Variants in PTPRT observed in about 807,000 individuals in gnomAD.
PTPRT encodes the protein protein tyrosine phosphatase receptor type T.
Under a neutral mutation model 176.8 loss-of-function variants are expected in PTPRT, and 56 were observed. The ratio of observed to expected loss-of-function variants is 0.32; its 90% confidence interval spans 0.26 to 0.40. PTPRT has a LOEUF of 0.40. Among genes scored for constraint, PTPRT ranks in the 10% least tolerant of loss-of-function variants. The probability of loss-of-function intolerance (pLI) is 1.00; values close to 1 mark genes in which losing one functional copy is unlikely to be tolerated. For missense variants in PTPRT, 1,540 were observed against 1,908.2 expected (o/e 0.81, Z 3.60); for synonymous variants, 783 against 739.0 (o/e 1.06, Z -0.96).
chr20:42,908,164 G>C (rs970345026), intron 1 of PTPRT, among the ~76,000 whole-genome samples: 1 of 151,996 alleles, frequency 6.6e-6, no homozygotes, highest in Non-Finnish European at 1.5e-5. Context: ...GAGAACGGGG[G>C]ATAAGCATCT....
intron 2 of PTPRT, among the ~76,000 whole-genome samples, chr20:42,873,451 T>A (rs1300197915): frequency 6.6e-6 from 1 of 152,136 alleles, no homozygotes; most frequent in Non-Finnish European, 1.5e-5. Context: ...TCCCTGTTGG[T>A]GGGAATACAA....
intron 16 of PTPRT, among the ~76,000 whole-genome samples, chr20:42,173,087 T>A (rs976232776): frequency 6.6e-6 from 1 of 152,196 alleles, no homozygotes; most frequent in Non-Finnish European, 1.5e-5. Flanking sequence ...GCTCTTGTGA[T>A]CTACAAGGGC....
intron 1 of PTPRT, among the ~76,000 whole-genome samples, chr20:42,958,598 C>T (rs1399109764): frequency 6.6e-6 from 1 of 152,052 alleles, no homozygotes; most frequent in Admixed American, 6.6e-5. Context: ...ACCAACCCTA[C>T]ACAACATTAG....
intron 13 of PTPRT, among the ~76,000 whole-genome samples, chr20:42,273,731 C>T (rs900095021): frequency 5.3e-5 from 8 of 152,268 alleles, no homozygotes; most frequent in Non-Finnish European, 1.2e-4. Context: ...GTATTTTTCA[C>T]TCACTAGCTG....
At chr20:42,339,634 C>T (rs183373448) in intron 11 of PTPRT, among the ~76,000 whole-genome samples, 4 of 152,306 alleles carry the variant, frequency 2.6e-5, no homozygotes, top group Non-Finnish European at 4.4e-5. Context: ...GGTCCAAGAC[C>T]AGTAGGTCAC....
At chr20:42,254,760 G>A (rs891868273) in intron 13 of PTPRT, among the ~76,000 whole-genome samples, 3 of 152,150 alleles carry the variant, frequency 2.0e-5, no homozygotes, top group African/African-American at 7.2e-5. Flanking sequence ...CCAAAGTCCT[G>A]CATCAGAGTC....
intron 12 of PTPRT, among the ~76,000 whole-genome samples, chr20:42,304,305 C>T (rs2057513486): frequency 6.6e-6 from 1 of 152,130 alleles, no homozygotes; most frequent in African/African-American, 2.4e-5. Flanking sequence ...GGTTTAAAAA[C>T]TCTGCCCCTG....
At chr20:42,114,481 T>A (rs1162118339) in intron 22 of PTPRT, among the ~76,000 whole-genome samples, 1 of 152,218 alleles carries the variant, frequency 6.6e-6, no homozygotes, top group Admixed American at 6.5e-5. Flanking sequence ...TGCAATCACA[T>A]CCTTGCTCAC....
intron 7 of PTPRT, among the ~76,000 whole-genome samples, chr20:42,665,432 G>C (rs1460966346): frequency 2.0e-5 from 3 of 151,330 alleles, no homozygotes; most frequent in Non-Finnish European, 3.0e-5. Context: ...TCATTAAAAA[G>C]TCAGGAAACA....
chr20:42,446,083 T>A (rs2070727258), intron 9 of PTPRT, among the ~76,000 whole-genome samples: 1 of 152,156 alleles, frequency 6.6e-6, no homozygotes, highest in South Asian at 2.1e-4. Flanking sequence ...ATCTAATGCA[T>A]CATCCTACTA....
intron 6 of PTPRT, among the ~76,000 whole-genome samples, chr20:42,707,893 G>T (rs896293718): frequency 6.6e-6 from 1 of 152,190 alleles, no homozygotes; most frequent in African/African-American, 2.4e-5. Flanking sequence ...ATATTGAAGA[G>T]ATTCCAACCA....
chr20:42,916,444 T>C (rs1978762138), intron 1 of PTPRT, among the ~76,000 whole-genome samples: 1 of 152,208 alleles, frequency 6.6e-6, no homozygotes, highest in East Asian at 1.9e-4. Flanking sequence ...TGTGTCTTTA[T>C]AGCAGCATGA....
At chr20:43,125,492 T>C (rs918467325) in intron 1 of PTPRT, among the ~76,000 whole-genome samples, 3 of 152,202 alleles carry the variant, frequency 2.0e-5, no homozygotes, top group African/African-American at 7.2e-5. Flanking sequence ...AAGCTAAGAC[T>C]AAAGAAATGC....
intron 15 of PTPRT, among the ~76,000 whole-genome samples, chr20:42,212,023 C>CCAAGTTCAAATTGGAA (rs1555802421): frequency 6.9e-6 from 1 of 144,412 alleles, no homozygotes; most frequent in Non-Finnish European, 1.5e-5. Flanking sequence ...TGGAAAACAT[C>CCAAGTTCAAATTGGAA]ATTCTCAGTA....
rs1424804664 is a variant in PTPRT at position 42,130,636 on chromosome 20, A to G, written c.2771-1806T>C. 2.0e-5 allele frequency among the ~76,000 whole-genome samples: 3 copies of G among 152,210 alleles called. No homozygotes were observed. In the East Asian group the frequency reaches 5.8e-4, roughly 29 times the overall value. The stretch of plus-strand genomic sequence containing the variant: ...CTAGGGCTGGTATAAGATACACCCC[A>G]TATCTATCCATTCATTTAAGAATCA... On this transcript the variant is annotated intron_variant, in intron 18 of 30. Transcript: ENST00000373187.
chr20:43,140,683 C>T (rs2013977398), intron 1 of PTPRT, among the ~76,000 whole-genome samples: 1 of 152,130 alleles, frequency 6.6e-6, no homozygotes, highest in South Asian at 2.1e-4. Flanking sequence ...TTCATCCACA[C>T]TTTTGGTTAT....
intron 1 of PTPRT, among the ~76,000 whole-genome samples, chr20:43,148,070 G>A (rs925123960): frequency 1.3e-4 from 19 of 150,674 alleles, no homozygotes; most frequent in African/African-American, 4.4e-4. Context: ...AAGTGTACAC[G>A]TGCAATCTAC....
intron 12 of PTPRT, among the ~76,000 whole-genome samples, chr20:42,303,101 AC>A (rs1179620941): frequency 6.6e-6 from 1 of 152,018 alleles, no homozygotes; most frequent in African/African-American, 2.4e-5. Flanking sequence ...GGAGCTGGCA[AC>A]CCCCTGGTTT....
intron 8 of PTPRT, among the ~76,000 whole-genome samples, chr20:42,455,336 T>C (rs2070902969): frequency 1.3e-5 from 2 of 152,212 alleles, no homozygotes; most frequent in Admixed American, 6.5e-5. Context: ...GTTATTCACA[T>C]GGTAATTTTT....
Sources: gnomAD v4.1 joint callset for allele counts (sites outside exome capture counted in the v4.1 genomes callset) on GRCh38, gnomAD v4.1.1 for gene constraint, MANE v1.5 for transcripts, NCBI Gene and HGNC (gene_info 2026-07-23, HGNC 2026-07-21) for gene names.